Variants in LIN7B observed in about 807,000 individuals in gnomAD.
The protein encoded by LIN7B is protein lin-7 homolog B.
LIN7B carries 16 observed loss-of-function variants against 27.9 expected under a neutral mutation model. That is an observed-to-expected ratio of 0.57 (90% CI 0.39 to 0.87). LIN7B has a LOEUF of 0.87. Ranked by LOEUF, LIN7B falls within the 40% of genes least tolerant of loss-of-function variation. LIN7B has a pLI of 0.00. For synonymous variants in LIN7B, 147 were observed against 120.8 expected, an observed-to-expected ratio of 1.22 and a Z score of -1.42; for missense variants, 291 against 288.5, an observed-to-expected ratio of 1.01 and a Z score of -0.06.
rs1486159685 is a variant in LIN7B at position 49,117,983 on chromosome 19, C to T, written c.567C>T (p.Arg189=). The T allele has an allele frequency of 6.2e-7, 1 of 1,614,020 alleles. No individual in the cohort carries two copies. Among genetic ancestry groups the T allele is most frequent in the East Asian group, 2.2e-5 (1 of 44,878 alleles). ...EEMEARFEKM[R]SARRRQQHQS... is the part of the protein sequence containing the mutation. ...TGGAGGCCCGGTTCGAGAAGATGCG[C>T]TCTGCCCGCCGGCGCCAACAGCATC... is the stretch of plus-strand genomic sequence containing the variant. The change falls in exon 5 of 6, where the codon CGC becomes CGT. Residue 189 remains arginine, a synonymous_variant. Transcript: ENST00000221459.
chr19:49,115,364 A>G (rs1045913228), intron 3 of LIN7B, 33 bp downstream of exon 3: 17 of 1,532,692 alleles, frequency 1.1e-5, no homozygotes, highest in Admixed American at 5.9e-5. Context: ...CCTGGTGTCT[A>G]TTTAACTGCC....
intron 4 of LIN7B, 83 bp downstream of exon 4, chr19:49,116,555 A>T: frequency 1.6e-5 from 20 of 1,220,548 alleles, no homozygotes; most frequent in South Asian, 2.8e-5. Context: ...CACTCAACAC[A>T]CACTGAGTGT....
Position 49,118,334 on chromosome 19 carries a change from T to C in LIN7B, c.603-18T>C. On this transcript the variant is annotated intron_variant, in intron 5 of 5. Transcript: ENST00000221459. ...GGAGCCTCCCTGATCCCGGGTCCCT[T>C]GTCCACCCCCCTTGCAGGTCCTTGG... is the stretch of plus-strand genomic sequence containing the variant. 6.2e-7 allele frequency: 1 copy of C among 1,614,046 alleles called. No individual in the cohort carries two copies. Among genetic ancestry groups the C allele is most frequent in the Admixed American group, 1.7e-5 (1 of 60,020 alleles).
chr19:49,116,383 A>G lies in LIN7B; in HGVS notation c.349A>G (p.Ile117Val), dbSNP rs762894943. Residue 117 changes from isoleucine (I) to valine (V), a missense_variant, in exon 4 of 6, where the codon ATC (isoleucine) becomes GTC (valine). Physicochemically the swap from Ile to Val is conservative, Grantham distance 29. Coordinates refer to ENST00000221459, the MANE Select transcript of LIN7B (RefSeq NM_022165.3). ...IMGGKEQNSP[I>V]YISRVIPGGV... The stretch of plus-strand genomic sequence containing the variant: ...GGGTGGCAAAGAGCAAAACTCGCCC[A>G]TCTACATCTCCCGGGTCATCCCAGG... 1 of 1,614,238 alleles carries G rather than the reference A, an allele frequency of 6.2e-7. No individual in the cohort carries two copies. The highest frequency in any genetic ancestry group is 8.5e-7 in the Non-Finnish European group (1 of 1,180,040).
Position 49,114,395 on chromosome 19 carries a change from T to G in LIN7B, c.-10T>G. ...AGGGCAGGCGGGCGGCTGGCAGCTG[T>G]GGCGCCGACATGGCTGCGCTGGTGG... is the stretch of plus-strand genomic sequence containing the variant. On this transcript the variant is annotated 5_prime_UTR_variant, in exon 1 of 6. Coordinates refer to ENST00000221459, the MANE Select transcript of LIN7B (RefSeq NM_022165.3). 8.3e-7 allele frequency: 1 copy of G among 1,198,702 alleles called. No homozygotes were observed. The highest frequency in any genetic ancestry group is 1.0e-6 in the Non-Finnish European group (1 of 966,616). 74.3% of individuals were successfully genotyped at this position (1,198,702 alleles called of 1,614,324 possible).
chr19:49,117,860 T>G lies in LIN7B; in HGVS notation c.444T>G (p.Val148=). 1 of 1,612,732 alleles carries G rather than the reference T, an allele frequency of 6.2e-7. No homozygotes were observed. The highest frequency in any genetic ancestry group is 8.5e-7 in the Non-Finnish European group (1 of 1,179,608). ...DQLLSVNGVS[V]EGEQHEKAVE... The stretch of plus-strand genomic sequence containing the variant: ...GTCTGTGTTGGGCCCTGCAGAGCGT[T>G]GAGGGTGAGCAGCATGAGAAGGCGG... Residue 148 remains valine, a synonymous_variant, in exon 5 of 6, where the codon GTT becomes GTG. Transcript: ENST00000221459.
At position 49,115,248 on chromosome 19, in the gene LIN7B, C is replaced by A; in HGVS notation, c.157-12C>A. 1 of 1,550,030 alleles carries A rather than the reference C, an allele frequency of 6.5e-7. No individual in the cohort carries two copies. Among genetic ancestry groups the A allele is most frequent in the Admixed American group, 2.0e-5 (1 of 51,080 alleles). ...GCTGGCGACTCCCTGATGCCGCTGCCTCCTCACCCAGGTGTATGAGCAGCT... is the reference window on the plus strand; with the variant it reads ...GCTGGCGACTCCCTGATGCCGCTGCATCCTCACCCAGGTGTATGAGCAGCT... On this transcript the variant is annotated splice_polypyrimidine_tract_variant and intron_variant, in intron 2 of 5. Coordinates refer to ENST00000221459, the MANE Select transcript of LIN7B (RefSeq NM_022165.3).
intron 5 of LIN7B, 46 bp downstream of exon 5, chr19:49,118,064 T>C: frequency 6.2e-7 from 1 of 1,605,430 alleles, no homozygotes; most frequent in Non-Finnish European, 8.5e-7. Flanking sequence ...ACGGGCTCCC[T>C]TTAACCCCAG....
intron 4 of LIN7B, among the ~76,000 whole-genome samples, chr19:49,116,975 G>T (rs1568428447): frequency 6.6e-6 from 1 of 152,130 alleles, no homozygotes; most frequent in Non-Finnish European, 1.5e-5. Flanking sequence ...GCTGGGTGCG[G>T]TGGCTCACAC....
chr19:49,116,268 A>C lies in LIN7B; in HGVS notation c.234A>C (p.Thr78=). Reference sequence around the variant, plus strand: ...AGTCGCTTTCTCTCTCCCAGGCCACAGTGGCTGCCTTCACAGCCAGCGAGG... The same window carrying C: ...AGTCGCTTTCTCTCTCCCAGGCCACCGTGGCTGCCTTCACAGCCAGCGAGG... The part of the protein sequence containing the change: ...EIRAHATAKA[T]VAAFTASEGH... The change falls in exon 4 of 6, where the codon ACA becomes ACC. Residue 78 remains threonine, a synonymous_variant. Coordinates refer to ENST00000221459, the MANE Select transcript of LIN7B (RefSeq NM_022165.3). 1 of 1,612,822 alleles carries C rather than the reference A, an allele frequency of 6.2e-7. No individual in the cohort carries two copies. The highest frequency in any genetic ancestry group is 8.5e-7 in the Non-Finnish European group (1 of 1,179,300).
chr19:49,116,163 T>C, intron 3 of LIN7B, 100 bp from the exon 4 acceptor site: 1 of 953,536 alleles, frequency 1.0e-6, no homozygotes, highest in South Asian at 1.6e-5. Flanking sequence ...TTGGGGATAG[T>C]AACCCAGGCT....
intron 3 of LIN7B, 52 bp downstream of exon 3, chr19:49,115,383 C>T (rs372670595): frequency 4.3e-5 from 62 of 1,432,512 alleles, no homozygotes; most frequent in Non-Finnish European, 5.6e-5. Flanking sequence ...CCTAGTCGAA[C>T]TCAATATCTC....
At position 49,116,407 on chromosome 19, in the gene LIN7B, G is replaced by C; in HGVS notation, c.373G>C (p.Gly125Arg). The C allele has an allele frequency of 6.2e-7, 1 of 1,614,252 alleles. No homozygotes were observed. Among genetic ancestry groups the C allele is most frequent in the Middle Eastern group, 1.6e-4 (1 of 6,062 alleles). ...SPIYISRVIP[G>R]GVADRHGGLK... ...CATCTACATCTCCCGGGTCATCCCA[G>C]GGGGTGTGGCTGACCGCCATGGAGG... is the stretch of plus-strand genomic sequence containing the variant. The change falls in exon 4 of 6, where the codon GGG becomes CGG. Residue 125 changes from glycine (G) to arginine (R), a missense_variant. By Grantham distance (125) the Gly-to-Arg change is moderately radical. Transcript: ENST00000221459.
intron 2 of LIN7B, 58 bp downstream of exon 2, chr19:49,115,025 TCCTGCTTGTCC>T: frequency 8.7e-7 from 1 of 1,154,750 alleles, no homozygotes; most frequent in Non-Finnish European, 1.2e-6. Flanking sequence ...CTCCTCCTCC[TCCTGCTTGTCC>T]CGAGCCCGGA....
At position 49,114,491 on chromosome 19, in the gene LIN7B, C is replaced by G. The variant is rs2040790252; in HGVS notation, c.37+50C>G. The stretch of plus-strand genomic sequence containing the variant: ...CCCACCCGGGCCGCGGCCTACATAC[C>G]CAGCCCCCGGTCCCCGCCCTTCCCG... On this transcript the variant is annotated intron_variant, in intron 1 of 5. Transcript: ENST00000221459. 9.3e-6 allele frequency: 11 copies of G among 1,181,398 alleles called. No homozygotes were observed. In the South Asian group the frequency reaches 4.2e-4, roughly 46 times the overall value. The allele number at this position is 1,181,398 out of a possible 1,614,324, so 73.2% of individuals were successfully genotyped here.
At chr19:49,117,259 AAAAAC>A (rs1309004981) in intron 4 of LIN7B, among the ~76,000 whole-genome samples, 174 of 146,392 alleles carry the variant, frequency 1.2e-3, no homozygotes, top group South Asian at 2.4e-3. Flanking sequence ...AAAAAAAAAA[AAAAAC>A]AAAACTCACT....
At position 49,116,449 on chromosome 19, in the gene LIN7B, C is replaced by G. The variant is rs758277286; in HGVS notation, c.415C>G (p.Gln139Glu). ...CCATGGAGGCCTCAAGCGTGGGGAT[C>G]AACTGTTGTCGGTGAACGGTGTGGT... ...DRHGGLKRGDQLLSVNGVSVE... is the reference protein window; with the variant it reads ...DRHGGLKRGDELLSVNGVSVE... Residue 139 changes from glutamine (Q) to glutamate (E), a missense_variant, in exon 4 of 6, where the codon CAA becomes GAA. Gln to Glu is a conservative substitution (Grantham distance 29). Coordinates refer to ENST00000221459, the MANE Select transcript of LIN7B (RefSeq NM_022165.3). The G allele has an allele frequency of 6.2e-7, 1 of 1,614,132 alleles. No homozygotes were observed. The highest frequency in any genetic ancestry group is 8.5e-7 in the Non-Finnish European group (1 of 1,179,980).
chr19:49,116,130 G>C (rs987718070), intron 3 of LIN7B, 133 bp from the exon 4 acceptor site: 5 of 669,730 alleles, frequency 7.5e-6, no homozygotes, highest in African/African-American at 7.2e-5. Flanking sequence ...ATCGTGCATT[G>C]TGCCATGACA....
chr19:49,114,695 T>C, intron 1 of LIN7B, 154 bp from the exon 2 acceptor site: 1 of 458,208 alleles, frequency 2.2e-6, no homozygotes, highest in Admixed American at 4.4e-5. Context: ...TGGCAGTCTC[T>C]CCTGCGCCAC....
Sources: gnomAD v4.1 joint callset for allele counts (sites outside exome capture counted in the v4.1 genomes callset) on GRCh38, gnomAD v4.1.1 for gene constraint, MANE v1.5 for transcripts, NCBI Gene and HGNC (gene_info 2026-07-23, HGNC 2026-07-21) for gene names.